SLC25A26: variants seen among roughly 807,000 people sequenced by gnomAD.
SLC25A26 encodes the protein solute carrier family 25 member 26, also known as mitochondrial S-adenosylmethionine carrier protein.
Under a neutral mutation model 37.8 loss-of-function variants are expected in SLC25A26, and 36 were observed. The observed-to-expected ratio is 0.95, with a 90% CI of 0.73 to 1.26. The LOEUF (loss-of-function observed/expected upper bound fraction) is 1.26. Ranked by LOEUF, SLC25A26 falls within the 50% of genes most tolerant of loss-of-function variation. The pLI is 0.00. For synonymous variants in SLC25A26, 129 were observed against 122.5 expected, an observed-to-expected ratio of 1.05 and a Z score of -0.35; for missense variants, 390 against 331.1, an observed-to-expected ratio of 1.18 and a Z score of -1.38.
intron 6 of SLC25A26, among the ~76,000 whole-genome samples, chr3:66,349,087 G>A (rs1269984528): frequency 6.6e-6 from 1 of 152,150 alleles, no homozygotes; most frequent in Non-Finnish European, 1.5e-5. Flanking sequence ...AAAGCATAGT[G>A]TTTATTTCTT....
chr3:66,257,335 A>G (rs1040640342), intron 3 of SLC25A26, among the ~76,000 whole-genome samples: 9 of 152,052 alleles, frequency 5.9e-5, no homozygotes, highest in African/African-American at 1.4e-4. Context: ...TTATTTGTCA[A>G]TTTTCTTCAT....
At chr3:66,370,929 A>C (rs1413490353) in intron 9 of SLC25A26, among the ~76,000 whole-genome samples, 1 of 152,228 alleles carries the variant, frequency 6.6e-6, no homozygotes, top group African/African-American at 2.4e-5. Context: ...AAGGGAGTGA[A>C]GGGAACATTG....
rs573367403 is a variant in SLC25A26 at position 66,158,227 on chromosome 3, G to T, written c.-354+24243G>T. Among the ~76,000 whole-genome samples the T allele has an allele frequency of 3.9e-5, 6 of 152,300 alleles. No homozygotes were observed. In the South Asian group the frequency reaches 1.2e-3, roughly 32 times the overall value. ...TTGATGCACAATATGTGGCCTTTAT[G>T]CCTGGCTTCTTTAACTTAGCATAAT... On this transcript the variant is annotated intron_variant, in intron 1 of 10. Coordinates refer to the SLC25A26 transcript ENST00000676754.
chr3:66,224,590 C>G (rs906459199), intron 1 of SLC25A26, among the ~76,000 whole-genome samples: 8 of 152,136 alleles, frequency 5.3e-5, no homozygotes, highest in Admixed American at 1.3e-4. Flanking sequence ...AGAGCCAAAC[C>G]ATATCATTCC....
chr3:66,205,511 G>C (rs1376602752), intron 1 of SLC25A26, among the ~76,000 whole-genome samples: 2 of 152,158 alleles, frequency 1.3e-5, no homozygotes, highest in Non-Finnish European at 2.9e-5. Flanking sequence ...AGGGTCTTGT[G>C]TCTACCCGCA....
chr3:66,220,609 A>C (rs1418332927), upstream of SLC25A26: 3 of 157,348 alleles, frequency 1.9e-5, no homozygotes, highest in Non-Finnish European at 4.2e-5. Context: ...ACTCAGATAA[A>C]ATTTTTTGAC....
chr3:66,192,749 CTG>C (rs1158972116), intron 1 of SLC25A26, among the ~76,000 whole-genome samples: 10 of 152,320 alleles, frequency 6.6e-5, no homozygotes, highest in African/African-American at 2.2e-4. Flanking sequence ...TAAAAATACA[CTG>C]TTTATTAAAC....
chr3:66,296,081 C>T (rs1178424295), intron 5 of SLC25A26, among the ~76,000 whole-genome samples: 2 of 152,032 alleles, frequency 1.3e-5, no homozygotes, highest in Non-Finnish European at 2.9e-5. Flanking sequence ...CGCACCATTG[C>T]ACTGCAGCCT....
intron 5 of SLC25A26, among the ~76,000 whole-genome samples, chr3:66,268,575 C>T (rs964869031): frequency 1.3e-5 from 2 of 152,174 alleles, no homozygotes; most frequent in African/African-American, 4.8e-5. Flanking sequence ...GGGATCCAGG[C>T]GAAGTGCCTT....
intron 1 of SLC25A26, among the ~76,000 whole-genome samples, chr3:66,209,049 TATATATATATATATATACAC>T: frequency 8.4e-5 from 2 of 23,936 alleles, no homozygotes; most frequent in African/African-American, 4.3e-4. Flanking sequence ...TGTATATATA[TATATATATATATATATACAC>T]ACACACACCC....
intron 1 of SLC25A26, among the ~76,000 whole-genome samples, chr3:66,162,638 G>C (rs2070375939): frequency 6.6e-6 from 1 of 152,148 alleles, no homozygotes; most frequent in African/African-American, 2.4e-5. Context: ...TGGGACAATA[G>C]GCACATGGAG....
intron 9 of SLC25A26, chr3:66,371,229 A>G: frequency 1.3e-6 from 2 of 1,527,104 alleles, no homozygotes; most frequent in Non-Finnish European, 8.8e-7. Flanking sequence ...TTTTCTTGCA[A>G]GAGCAAAGCA....
chr3:66,243,719 T>C (rs2072695788), intron 3 of SLC25A26, among the ~76,000 whole-genome samples: 1 of 152,184 alleles, frequency 6.6e-6, no homozygotes, highest in Non-Finnish European at 1.5e-5. Flanking sequence ...GCATGTTCTT[T>C]GTAAGGTAGA....
rs529834585 is a variant in SLC25A26, at chr3:66,369,546, A to C, written c.633+4A>C. On this transcript the variant is annotated splice_donor_region_variant and intron_variant, in intron 8 of 9. Coordinates refer to ENST00000354883, the MANE Select transcript of SLC25A26 (RefSeq NM_001379210.1). ...GACAAGAATTACGCTGGCAAAGGTA[A>C]GTGGTGAAATAATGTAATGGAGATA... The C allele has an allele frequency of 1.9e-6, 3 of 1,591,260 alleles. No homozygotes were observed. Among genetic ancestry groups the C allele is most frequent in the East Asian group, 4.5e-5 (2 of 44,142 alleles).
At chr3:66,353,311 T>C (rs979446549) in intron 6 of SLC25A26, among the ~76,000 whole-genome samples, 4 of 152,150 alleles carry the variant, frequency 2.6e-5, no homozygotes, top group African/African-American at 9.7e-5. Context: ...GTAGTAACAC[T>C]TCCCACACAT....
intron 5 of SLC25A26, among the ~76,000 whole-genome samples, chr3:66,281,799 C>T (rs981456303): frequency 7.5e-5 from 11 of 147,182 alleles, no homozygotes; most frequent in African/African-American, 2.2e-4. Context: ...CTTCTGTGTT[C>T]ATGTGACATT....
At chr3:66,288,283 G>A (rs559132634) in intron 5 of SLC25A26, among the ~76,000 whole-genome samples, 2 of 152,244 alleles carry the variant, frequency 1.3e-5, no homozygotes, top group East Asian at 3.9e-4. Context: ...GAAAAAGGAA[G>A]GGTAGAGTAA....
Position 66,147,337 on chromosome 3 carries a change from A to G in SLC25A26, c.-354+13353A>G, listed in dbSNP as rs150513583. ...CACCACCACGTCCAGATAATTTTTT[A>G]TTTTTTGTAGAGATGGGGTTTTACC... is the stretch of plus-strand genomic sequence containing the variant. On this transcript the variant is annotated intron_variant, in intron 1 of 10. Coordinates refer to the SLC25A26 transcript ENST00000676754. 5.3e-5 allele frequency among the ~76,000 whole-genome samples: 8 copies of G among 150,526 alleles called. No homozygotes were observed. In the East Asian group the frequency reaches 1.4e-3, roughly 26 times the overall value.
At chr3:66,260,584 G>A (rs1049948439) in intron 3 of SLC25A26, among the ~76,000 whole-genome samples, 3 of 152,120 alleles carry the variant, frequency 2.0e-5, no homozygotes, top group Non-Finnish European at 2.9e-5. Context: ...GAGGCAATAT[G>A]CCCGTGTTAG....
Sources: gnomAD v4.1 joint callset for allele counts (sites outside exome capture counted in the v4.1 genomes callset) on GRCh38, gnomAD v4.1.1 for gene constraint, MANE v1.5 for transcripts, NCBI Gene and HGNC (gene_info 2026-07-23, HGNC 2026-07-21) for gene names.